The following TTC39A variants were observed in gnomAD, a reference collection of about 807,000 sequenced individuals.
The protein encoded by TTC39A is tetratricopeptide repeat protein 39A.
Under a neutral mutation model 82.3 loss-of-function variants are expected in TTC39A, and 46 were observed. That is an observed-to-expected ratio of 0.56 (90% CI 0.44 to 0.71). The LOEUF (loss-of-function observed/expected upper bound fraction) is 0.71. Ranked by LOEUF, TTC39A falls within the 30% of genes least tolerant of loss-of-function variation. TTC39A has a pLI of 0.00. For missense variants in TTC39A, 543 were observed against 712.9 expected, an observed-to-expected ratio of 0.76 and a Z score of 2.71; for synonymous variants, 254 against 275.2, an observed-to-expected ratio of 0.92 and a Z score of 0.76.
At chr1:51,300,893 TCTGGTTGAAA>T (rs1644626059) in intron 12 of TTC39A, 1 of 152,216 alleles carries the variant, frequency 6.6e-6, no homozygotes, top group South Asian at 2.1e-4. Flanking sequence ...ACTGTGGGAC[TCTGGTTGAAA>T]CCAAGGGGAG....
chr1:51,307,424 T>C (rs2148204867), intron 6 of TTC39A, among the ~76,000 whole-genome samples: 1 of 152,240 alleles, frequency 6.6e-6, no homozygotes, highest in African/African-American at 2.4e-5. Flanking sequence ...AGCAGCCACA[T>C]TAAATGGGGA....
intron 12 of TTC39A, chr1:51,299,276 G>A (rs910542374): frequency 6.6e-6 from 1 of 152,214 alleles, no homozygotes; most frequent in Non-Finnish European, 1.5e-5. Flanking sequence ...AAATGCAAGC[G>A]TGGCAGGCTT....
At position 51,288,393 on chromosome 1, in the gene TTC39A, A is replaced by G. The variant is rs1644070869; in HGVS notation, c.1611-113T>C. On this transcript the variant is annotated intron_variant, in intron 17 of 17. Transcript: ENST00000680483. This position sits in a 1 kb window ranked among gnomAD's most constrained non-coding sequence, Gnocchi z 4.8. ...CCAAGGAAGGATTGTAGAGAAATTA[A>G]TGTGTCCAGAGAGAGTTGAGCCCTA... 1.0e-5 allele frequency: 16 copies of G among 1,531,146 alleles called. No homozygotes were observed. Among genetic ancestry groups the G allele is most frequent in the Non-Finnish European group, 1.4e-5 (16 of 1,131,308 alleles). The allele number at this position is 1,531,146 out of a possible 1,614,324, so 94.8% of individuals were successfully genotyped here. A position where few individuals can be genotyped will look rare whatever the true frequency, so the allele number is the denominator to read the frequency against.
At position 51,322,118 on chromosome 1, in the gene TTC39A, C is replaced by T. The variant is rs374205666; in HGVS notation, c.42-293G>A. ...AGGCCTCAGGAATCAATGATCTTAC[C>T]CTCCACAAGGGTAAAGGGAGTCTTT... On this transcript the variant is annotated intron_variant, in intron 1 of 17. Transcript: ENST00000680483. The T allele has an allele frequency of 3.9e-6, 6 of 1,552,608 alleles. No homozygotes were observed. The African/African-American group carries it at 4.1e-5, about 11-fold the overall frequency.
intron 9 of TTC39A, 40 bp downstream of exon 9, chr1:51,303,044 C>G (rs74356055): frequency 6.5e-7 from 1 of 1,534,202 alleles, no homozygotes; most frequent in Non-Finnish European, 8.8e-7. Context: ...CCCTTGGAGA[C>G]GACCAAACCC....
At chr1:51,314,447 G>C (rs1386667988) in intron 2 of TTC39A, among the ~76,000 whole-genome samples, 3 of 152,210 alleles carry the variant, frequency 2.0e-5, no homozygotes, top group African/African-American at 7.2e-5. Flanking sequence ...AGAGGAAAGA[G>C]AGATGACTAA....
At chr1:51,292,328 A>G (rs1409020140) in intron 14 of TTC39A, among the ~76,000 whole-genome samples, 1 of 152,268 alleles carries the variant, frequency 6.6e-6, no homozygotes, top group Non-Finnish European at 1.5e-5. Context: ...AGTTCTAGAA[A>G]GACATTATTG....
chr1:51,302,411 G>A lies in TTC39A; in HGVS notation c.837C>T (p.Ala279=), dbSNP rs1175142256. 8.1e-6 allele frequency: 13 copies of A among 1,609,632 alleles called. No individual in the cohort carries two copies. The highest frequency in any genetic ancestry group is 1.1e-5 in the Non-Finnish European group (13 of 1,177,974). The change falls in exon 11 of 18, where the codon GCC becomes GCT. Residue 279 remains alanine (A), a synonymous_variant. Transcript: ENST00000680483. ...KPYLNRYPKG[A]IFLFFAGRIE... ...TCCTCCCTGCAAAGAACAGGAAGAT[G>A]GCACCCTGCAATGACACACATGTAA...
chr1:51,332,764 G>A (rs1348555615), upstream of TTC39A, among the ~76,000 whole-genome samples: 1 of 152,132 alleles, frequency 6.6e-6, no homozygotes, highest in African/African-American at 2.4e-5. Flanking sequence ...AATGCTTATT[G>A]GGAGCACATA....
intron 2 of TTC39A, among the ~76,000 whole-genome samples, chr1:51,320,201 A>G (rs907857716): frequency 2.0e-5 from 3 of 152,056 alleles, no homozygotes; most frequent in Admixed American, 6.6e-5. Flanking sequence ...TTTTGGGAAA[A>G]ACTCAACGAT....
At chr1:51,327,537 T>C (rs1645756393) in intron 1 of TTC39A, among the ~76,000 whole-genome samples, 1 of 152,144 alleles carries the variant, frequency 6.6e-6, no homozygotes, top group Non-Finnish European at 1.5e-5. Context: ...ACCTTGGGAA[T>C]GTTCCATACC....
chr1:51,288,021 AC>A lies in TTC39A; in HGVS notation c.*135del. The A allele has an allele frequency of 7.4e-7, 1 of 1,355,974 alleles. No homozygotes were observed. Among genetic ancestry groups the A allele is most frequent in the Non-Finnish European group, 9.9e-7 (1 of 1,008,240 alleles). 84.0% of individuals were successfully genotyped at this position (1,355,974 alleles called of 1,614,324 possible). A position where few individuals can be genotyped will look rare whatever the true frequency, so the allele number is the denominator to read the frequency against. ...GCCAGCTCGGCTTCTGCACGGATAC[AC>A]TATGTTGTGCCATCCAACTGGAGTG... On this transcript the variant is annotated 3_prime_UTR_variant, in exon 18 of 18. Transcript: ENST00000680483. The surrounding 1 kb of genome is among the most constrained non-coding windows in gnomAD (Gnocchi z 4.8).
intron 11 of TTC39A, 103 bp downstream of exon 11, chr1:51,302,254 C>CCCCCCCCA: frequency 3.4e-6 from 2 of 581,460 alleles, no homozygotes; most frequent in Non-Finnish European, 6.5e-6. Context: ...CCCCCCCGCC[C>CCCCCCCCA]CCAGTCTATC....
intron 1 of TTC39A, among the ~76,000 whole-genome samples, chr1:51,338,206 G>C (rs1645997343): frequency 6.6e-6 from 1 of 152,156 alleles, no homozygotes; most frequent in Non-Finnish European, 1.5e-5. Flanking sequence ...AGCCATTTCT[G>C]GGGGAGGCAG....
At chr1:51,324,577 A>C (rs769498771) in intron 1 of TTC39A, among the ~76,000 whole-genome samples, 23 of 152,194 alleles carry the variant, frequency 1.5e-4, no homozygotes, top group Non-Finnish European at 2.6e-4. Context: ...GCTGGAGACC[A>C]GTAGTGCGAT....
chr1:51,338,028 C>T (rs997346900), intron 1 of TTC39A, among the ~76,000 whole-genome samples: 4 of 152,152 alleles, frequency 2.6e-5, no homozygotes, highest in Admixed American at 6.6e-5. Flanking sequence ...TTGTTTTGTT[C>T]TCTAATGTGC....
intron 8 of TTC39A, among the ~76,000 whole-genome samples, chr1:51,304,196 C>T (rs2148188889): frequency 6.6e-6 from 1 of 152,204 alleles, no homozygotes; most frequent in South Asian, 2.1e-4. Flanking sequence ...GCTGGGCCCT[C>T]GTGGTATTTA....
Position 51,288,139 on chromosome 1 carries a change from C to T in TTC39A, c.*18G>A, listed in dbSNP as rs150033159. On this transcript the variant is annotated 3_prime_UTR_variant, in exon 18 of 18. Coordinates refer to ENST00000680483, the MANE Select transcript of TTC39A (RefSeq NM_001297663.2). The surrounding 1 kb of genome is among the most constrained non-coding windows in gnomAD (Gnocchi z 4.8). ...GTCCAGCTGTCTCTGTCTTCCAGCCCGGAACTGCTGCACAAAGCTACAAGG... is the reference window on the plus strand; with the variant it reads ...GTCCAGCTGTCTCTGTCTTCCAGCCTGGAACTGCTGCACAAAGCTACAAGG... 6,447 of 1,613,710 alleles carry T rather than the reference C, an allele frequency of 4.0e-3. 15 individuals are homozygous for T. The highest frequency in any genetic ancestry group is 4.5e-3 in the Non-Finnish European group (5,366 of 1,179,718).
In TTC39A at chr1:51,330,301, C is replaced by T; in HGVS notation, c.41+136G>A. The T allele has an allele frequency of 2.1e-6, 2 of 933,150 alleles. No homozygotes were observed. The highest frequency in any genetic ancestry group is 4.9e-5 in the South Asian group (1 of 20,314). The allele number at this position is 933,150 out of a possible 1,614,324, so 57.8% of individuals were successfully genotyped here. On this transcript the variant is annotated intron_variant, in intron 1 of 17. Transcript: ENST00000680483. This position sits in a 1 kb window ranked among gnomAD's most constrained non-coding sequence, Gnocchi z 4.5. ...GGCAGCGGCGGCGGCTGCCAGGGGC[C>T]GGGCGGGGTGGGGGCTGGAAGCCGC...
Sources: allele counts gnomAD v4.1 joint callset (sites outside exome capture counted in the v4.1 genomes callset), GRCh38; gene constraint gnomAD v4.1.1; non-coding constraint Gnocchi (gnomAD v3.1); transcripts MANE v1.5; gene names NCBI Gene and HGNC (gene_info 2026-07-23, HGNC 2026-07-21).